Variants in MAN2B2 observed in about 807,000 individuals in gnomAD.
MAN2B2 encodes the protein mannosidase alpha class 2B member 2.
In MAN2B2, 106 loss-of-function variants were observed where a neutral mutation model predicts 117.1. The observed-to-expected ratio is 0.90, with a 90% confidence interval of 0.77 to 1.06. The LOEUF is 1.06. Among genes scored for constraint, MAN2B2 ranks in the 50% least tolerant of loss-of-function variants. The probability of loss-of-function intolerance (pLI) is 0.00; values close to 1 mark genes in which losing one functional copy is unlikely to be tolerated. For missense variants in MAN2B2, 1,326 were observed against 1,381.4 expected (o/e 0.96, Z 0.64); for synonymous variants, 544 against 595.1 (o/e 0.91, Z 1.25).
intron 6 of MAN2B2, among the ~76,000 whole-genome samples, chr4:6,594,303 T>C (rs905496829): frequency 1.7e-5 from 2 of 119,194 alleles, no homozygotes; most frequent in Non-Finnish European, 1.9e-5. Context: ...ATTAGCCAGG[T>C]GTGGTGGCGC....
intron 5 of MAN2B2, among the ~76,000 whole-genome samples, chr4:6,591,374 A>G (rs987087883): frequency 1.3e-5 from 2 of 152,212 alleles, no homozygotes; most frequent in African/African-American, 4.8e-5. Context: ...ATCACATACA[A>G]TCACAGCTCA....
chr4:6,609,276 G>A lies in MAN2B2; in HGVS notation c.1984G>A (p.Glu662Lys), dbSNP rs763496778. 1 of 1,614,022 alleles carries A rather than the reference G, an allele frequency of 6.2e-7. No homozygotes were observed. The highest frequency in any genetic ancestry group is 8.5e-7 in the Non-Finnish European group (1 of 1,179,980). ...GATTGTGGCGGGACAGCTTGTGACT[G>A]AGATCCGGCAGTACTTCTACAGGTG... ...MEIVAGQLVTEIRQYFYRNMT... is the reference protein window; with the variant it reads ...MEIVAGQLVTKIRQYFYRNMT... Residue 662 changes from glutamate (E) to lysine (K), a missense_variant, in exon 12 of 19, where the codon GAG (glutamate) becomes AAG (lysine). Glu to Lys is a moderately conservative substitution (Grantham distance 56). Transcript: ENST00000285599.
chr4:6,576,505 G>T, intron 1 of MAN2B2, 73 bp from the exon 2 acceptor site: 1 of 1,568,182 alleles, frequency 6.4e-7, no homozygotes. Context: ...AGACACACCT[G>T]GCGAATGGCA....
At chr4:6,602,443 C>T (rs1326850960) in intron 10 of MAN2B2, among the ~76,000 whole-genome samples, 2 of 152,098 alleles carry the variant, frequency 1.3e-5, no homozygotes, top group African/African-American at 2.4e-5. Context: ...GTCTTTTTTA[C>T]GAGGGCACTA....
chr4:6,592,351 G>A (rs1726891399), intron 5 of MAN2B2, among the ~76,000 whole-genome samples: 3 of 152,202 alleles, frequency 2.0e-5, no homozygotes, highest in Admixed American at 1.3e-4. Context: ...AGTGCTGGTG[G>A]CTGATGACTG....
At chr4:6,584,326 C>T (rs1008560589) in intron 3 of MAN2B2, among the ~76,000 whole-genome samples, 6 of 152,240 alleles carry the variant, frequency 3.9e-5, no homozygotes, top group African/African-American at 7.2e-5. Context: ...CTTGTGGTCA[C>T]GATATGGCTG....
chr4:6,599,179 C>T (rs1727224662), intron 9 of MAN2B2, among the ~76,000 whole-genome samples: 1 of 152,164 alleles, frequency 6.6e-6, no homozygotes, highest in South Asian at 2.1e-4. Context: ...GTCACTGCTG[C>T]CTTAGACTCC....
At chr4:6,604,214 TG>T (rs969713974) in intron 10 of MAN2B2, among the ~76,000 whole-genome samples, 2 of 152,112 alleles carry the variant, frequency 1.3e-5, no homozygotes, top group African/African-American at 4.8e-5. Context: ...GGGAGGAGGC[TG>T]GGTCCCAGAG....
At position 6,578,456 on chromosome 4, in the gene MAN2B2, G is replaced by A. The variant is rs749876075; in HGVS notation, c.349G>A (p.Glu117Lys). The change falls in exon 3 of 19, where the codon GAG becomes AAG. Residue 117 changes from glutamate (E) to lysine (K), a missense_variant. Physicochemically the swap from Glu to Lys is moderately conservative, Grantham distance 56. Transcript: ENST00000285599. Reference sequence around the variant, plus strand: ...CATCGGAGGCCAGGTCATGCATGACGAGGCTGTGACGCACCTTGATGACCA... The same window carrying A: ...CATCGGAGGCCAGGTCATGCATGACAAGGCTGTGACGCACCTTGATGACCA... ...FVIGGQVMHDEAVTHLDDQIL... is the reference protein window; with the variant it reads ...FVIGGQVMHDKAVTHLDDQIL... 27 of 1,613,516 alleles carry A rather than the reference G, an allele frequency of 1.7e-5. No individual in the cohort carries two copies. The highest frequency in any genetic ancestry group is 2.2e-5 in the East Asian group (1 of 44,872).
At chr4:6,586,345 G>A (rs1726632848) in intron 3 of MAN2B2, among the ~76,000 whole-genome samples, 1 of 152,188 alleles carries the variant, frequency 6.6e-6, no homozygotes, top group Non-Finnish European at 1.5e-5. Context: ...ACAGGCGTGA[G>A]CCACATTGCT....
intron 6 of MAN2B2, 116 bp from the exon 7 acceptor site, chr4:6,594,418 C>T: frequency 9.6e-7 from 1 of 1,037,418 alleles, no homozygotes; most frequent in Non-Finnish European, 1.4e-6. Context: ...TTTGGGGCCC[C>T]TGTTGGCCGC....
intron 17 of MAN2B2, chr4:6,619,402 C>T (rs1712052043): frequency 6.5e-6 from 1 of 153,110 alleles, no homozygotes; most frequent in Non-Finnish European, 1.5e-5. Context: ...AAAGGCCTTG[C>T]CCTAGCGTGG....
At chr4:6,620,328 GGCCCAGGGGCTTCT>G in intron 18 of MAN2B2, 1 of 325,908 alleles carries the variant, frequency 3.1e-6, no homozygotes, top group Non-Finnish European at 5.9e-6. Flanking sequence ...GACAGCTAGG[GGCCCAGGGGCTTCT>G]GCCCACCTTG....
At chr4:6,581,721 T>C (rs1470129105) in intron 3 of MAN2B2, among the ~76,000 whole-genome samples, 2 of 150,100 alleles carry the variant, frequency 1.3e-5, no homozygotes, top group Non-Finnish European at 3.0e-5. Flanking sequence ...CTGACCTTCT[T>C]CTTCGGGTAT....
chr4:6,598,483 G>A (rs1577284829), intron 9 of MAN2B2, 129 bp downstream of exon 9: 4 of 1,014,718 alleles, frequency 3.9e-6, no homozygotes, highest in East Asian at 2.7e-5. Context: ...CTTCCCCATG[G>A]TGAGAGCTCG....
chr4:6,589,020 C>A, intron 4 of MAN2B2, 25 bp from the exon 5 acceptor site: 1 of 1,579,412 alleles, frequency 6.3e-7, no homozygotes, highest in Non-Finnish European at 8.7e-7. Context: ...GCCCCTCCAG[C>A]CTCATTCTTC....
At chr4:6,606,478 G>A (rs577751441) in intron 11 of MAN2B2, among the ~76,000 whole-genome samples, 3 of 152,334 alleles carry the variant, frequency 2.0e-5, no homozygotes, top group Admixed American at 6.5e-5. Flanking sequence ...TGCCCTGTCC[G>A]TTCCTCACTC....
chr4:6,600,707 T>C lies in MAN2B2; in HGVS notation c.1490T>C (p.Phe497Ser). Reference protein sequence around the residue: ...VTTIVTLTVGFPGVRVTDEAG... With the variant: ...VTTIVTLTVGSPGVRVTDEAG... ...ACCATCGTCACCCTGACTGTTGGTT[T>C]CCCTGGAGTCCGCGTCACAGATGAG... The change falls in exon 10 of 19, where the codon TTC (phenylalanine) becomes TCC (serine). Residue 497 changes from phenylalanine to serine, a missense_variant. Phe to Ser is a radical substitution (Grantham distance 155). Coordinates refer to ENST00000285599, the MANE Select transcript of MAN2B2 (RefSeq NM_015274.3). The C allele has an allele frequency of 6.2e-7, 1 of 1,614,004 alleles. No individual in the cohort carries two copies. Among genetic ancestry groups the C allele is most frequent in the South Asian group, 1.1e-5 (1 of 91,088 alleles).
intron 16 of MAN2B2, among the ~76,000 whole-genome samples, chr4:6,615,776 G>A (rs1272781585): frequency 1.3e-5 from 2 of 151,886 alleles, no homozygotes; most frequent in Non-Finnish European, 2.9e-5. Flanking sequence ...CTCCAGCCTG[G>A]GCAACAGAGC....
Sources: gnomAD v4.1 joint callset for allele counts (sites outside exome capture counted in the v4.1 genomes callset) on GRCh38, gnomAD v4.1.1 for gene constraint, MANE v1.5 for transcripts, NCBI Gene and HGNC (gene_info 2026-07-23, HGNC 2026-07-21) for gene names.